PPA2: variants seen among roughly 807,000 people sequenced by gnomAD.
The protein encoded by PPA2 is inorganic pyrophosphatase 2, also known as inorganic pyrophosphatase 2, mitochondrial.
A neutral mutation model predicts 49.5 loss-of-function variants in PPA2; 48 were observed. The ratio of observed to expected loss-of-function variants is 0.97; its 90% CI spans 0.77 to 1.23. PPA2 has a LOEUF of 1.23. PPA2 is among the 50% of genes most tolerant of loss of function. The pLI, the probability that PPA2 is intolerant of heterozygous loss-of-function variation, is 0.00. For missense variants in PPA2, 429 were observed against 410.1 expected (o/e 1.05, Z -0.40); for synonymous variants, 131 against 139.9 (o/e 0.94, Z 0.45).
intron 2 of PPA2, 48 bp downstream of exon 2, chr4:105,456,633 G>A (rs1196040398): frequency 5.6e-6 from 8 of 1,440,736 alleles, no homozygotes; most frequent in Non-Finnish European, 7.6e-6. Context: ...ATCTAATGGT[G>A]ATACTGGCAG....
chr4:105,370,385 T>C lies in PPA2; in HGVS notation c.976+452A>G, dbSNP rs115632230. On this transcript the variant is annotated intron_variant, in intron 11 of 11. Coordinates refer to ENST00000341695, the MANE Select transcript of PPA2 (RefSeq NM_176869.3). ...CTGAAAATTCACTACAGAGCATTTT[T>C]ACTTGTTTATTAAAACAGCTTCAAA... 5.0e-3 allele frequency among the ~76,000 whole-genome samples: 763 copies of C among 152,220 alleles called. 6 individuals are homozygous for C. The highest frequency in any genetic ancestry group is 0.016 in the African/African-American group (671 of 41,578).
intron 7 of PPA2, 200 bp from the exon 8 acceptor site, chr4:105,399,364 T>C (rs1049300767): frequency 2.1e-5 from 9 of 432,500 alleles, no homozygotes; most frequent in African/African-American, 1.6e-4. Flanking sequence ...TATAATACTA[T>C]TCCTGCACTC....
chr4:105,388,032 A>T (rs1262774686), intron 9 of PPA2, among the ~76,000 whole-genome samples: 5 of 145,836 alleles, frequency 3.4e-5, no homozygotes, highest in African/African-American at 1.3e-4. Flanking sequence ...ATTCCTTGGA[A>T]ATTCTGGAAA....
Position 105,440,269 on chromosome 4 carries a change from CT to C in PPA2, c.442-2234del, listed in dbSNP as rs1195636760. 5.7e-3 allele frequency among the ~76,000 whole-genome samples: 857 copies of C among 149,200 alleles called. 7 individuals are homozygous for C. Among genetic ancestry groups the C allele is most frequent in the African/African-American group, 0.02 (814 of 40,652 alleles). ...TAAATAGGAAGATCTTTTTTTCTTT[CT>C]TTTTTTTTTCAGACAGAGTCTCCCT... is the stretch of plus-strand genomic sequence containing the variant. On this transcript the variant is annotated intron_variant, in intron 5 of 11. Coordinates refer to ENST00000341695, the MANE Select transcript of PPA2 (RefSeq NM_176869.3).
chr4:105,399,317 T>C, intron 7 of PPA2, 153 bp from the exon 8 acceptor site: 1 of 650,046 alleles, frequency 1.5e-6, no homozygotes, highest in Non-Finnish European at 2.6e-6. Flanking sequence ...TCATCATTGA[T>C]ATGTATATCA....
At chr4:105,398,052 T>C (rs1180743484) in intron 8 of PPA2, among the ~76,000 whole-genome samples, 1 of 150,970 alleles carries the variant, frequency 6.6e-6, no homozygotes, top group Non-Finnish European at 1.5e-5. Flanking sequence ...CTCATCTTTA[T>C]ACAGAAAAGA....
intron 5 of PPA2, among the ~76,000 whole-genome samples, chr4:105,443,289 T>C (rs1048855633): frequency 6.6e-6 from 1 of 151,952 alleles, no homozygotes; most frequent in Non-Finnish European, 1.5e-5. Context: ...GGTGAGGGCT[T>C]GAGACATCAG....
intron 7 of PPA2, chr4:105,405,861 AG>A: frequency 2.2e-6 from 1 of 456,800 alleles, no homozygotes; most frequent in Non-Finnish European, 4.4e-6. Flanking sequence ...ATGTGCAGGC[AG>A]GTAGGACAGG....
In PPA2 at chr4:105,399,006, T is replaced by C. The variant is rs781579649; in HGVS notation, c.783+31A>G. ...CGAATATTGTACAGGTATCAGGAGGTACATTTTAAAATAAAGATTCTCATC... is the reference window on the plus strand; with the variant it reads ...CGAATATTGTACAGGTATCAGGAGGCACATTTTAAAATAAAGATTCTCATC... On this transcript the variant is annotated intron_variant, in intron 8 of 11. Coordinates refer to ENST00000341695, the MANE Select transcript of PPA2 (RefSeq NM_176869.3). 22 of 1,595,958 alleles carry C rather than the reference T, an allele frequency of 1.4e-5. No individual in the cohort carries two copies. In the East Asian group the frequency reaches 4.2e-4, roughly 31 times the overall value.
chr4:105,451,682 G>A (rs958731684), intron 3 of PPA2, among the ~76,000 whole-genome samples: 3 of 152,190 alleles, frequency 2.0e-5, no homozygotes, highest in Non-Finnish European at 2.9e-5. Context: ...GACCAAGCTG[G>A]TGACAATCGT....
chr4:105,416,366 G>A (rs1455250480), intron 7 of PPA2, among the ~76,000 whole-genome samples: 1 of 151,950 alleles, frequency 6.6e-6, no homozygotes, highest in Non-Finnish European at 1.5e-5. Context: ...TATATAAAAG[G>A]GGAAAAAAGA....
chr4:105,419,263 C>A (rs1723146167), intron 7 of PPA2, among the ~76,000 whole-genome samples: 1 of 152,254 alleles, frequency 6.6e-6, no homozygotes, highest in South Asian at 2.1e-4. Flanking sequence ...CCCATTAACT[C>A]GTCATTTAAC....
chr4:105,409,225 A>C (rs1722631937), intron 7 of PPA2, among the ~76,000 whole-genome samples: 1 of 152,224 alleles, frequency 6.6e-6, no homozygotes, highest in South Asian at 2.1e-4. Flanking sequence ...CAGTCTTCAC[A>C]ACTGGCAGAC....
chr4:105,396,906 G>A (rs2110391801), intron 8 of PPA2, among the ~76,000 whole-genome samples: 1 of 152,274 alleles, frequency 6.6e-6, no homozygotes, highest in South Asian at 2.1e-4. Context: ...ACTGCAGGCA[G>A]TCTAAATGTA....
At chr4:105,418,829 A>C (rs1333694377) in intron 7 of PPA2, among the ~76,000 whole-genome samples, 2 of 152,200 alleles carry the variant, frequency 1.3e-5, no homozygotes, top group Non-Finnish European at 2.9e-5. Context: ...TAAGGTCCTT[A>C]GGCATCAGTG....
intron 6 of PPA2, among the ~76,000 whole-genome samples, chr4:105,428,395 A>G (rs753313885): frequency 6.6e-6 from 1 of 151,904 alleles, no homozygotes; most frequent in Non-Finnish European, 1.5e-5. Context: ...ATTAAAAGAC[A>G]CAGAGTGGCA....
intron 7 of PPA2, among the ~76,000 whole-genome samples, chr4:105,412,500 C>G (rs771055968): frequency 6.6e-6 from 1 of 152,114 alleles, no homozygotes; most frequent in Non-Finnish European, 1.5e-5. Flanking sequence ...TCTAATTAAA[C>G]TAAAGAGCTT....
chr4:105,446,344 G>A (rs758211099), intron 5 of PPA2, 39 bp downstream of exon 5: 4 of 1,518,370 alleles, frequency 2.6e-6, no homozygotes, highest in Non-Finnish European at 3.5e-6. Flanking sequence ...AATTTTTTCA[G>A]AAGACAGGAA....
At chr4:105,473,707 G>T (rs780390119) in intron 1 of PPA2, 187 bp downstream of exon 1, 2 of 932,978 alleles carry the variant, frequency 2.1e-6, no homozygotes, top group South Asian at 1.3e-5. Context: ...CCGCCTCCTC[G>T]CTGGCAGTTC....
Sources: gnomAD v4.1 joint callset for allele counts (sites outside exome capture counted in the v4.1 genomes callset) on GRCh38, gnomAD v4.1.1 for gene constraint, MANE v1.5 for transcripts, NCBI Gene and HGNC (gene_info 2026-07-23, HGNC 2026-07-21) for gene names.